The following NUP107 variants were observed in gnomAD, a reference collection of about 807,000 sequenced individuals.
The protein encoded by NUP107 is nucleoporin 107.
Under a neutral mutation model 141.0 loss-of-function variants are expected in NUP107, and 101 were observed. That is an observed-to-expected ratio of 0.72 (90% CI 0.61 to 0.84). The LOEUF (loss-of-function observed/expected upper bound fraction) is 0.84, where lower values mean the gene tolerates loss of function less well. Among genes scored for constraint, NUP107 ranks in the 40% least tolerant of loss-of-function variants. NUP107 has a pLI of 0.00. For missense variants in NUP107, 941 were observed against 1,102.7 expected (o/e 0.85, Z 2.08); for synonymous variants, 319 against 363.9 (o/e 0.88, Z 1.41).
intron 12 of NUP107, among the ~76,000 whole-genome samples, chr12:68,717,246 CA>C (rs1180887795): frequency 2.6e-5 from 4 of 152,072 alleles, no homozygotes; most frequent in Non-Finnish European, 5.9e-5. Flanking sequence ...ATTGAAGGCT[CA>C]AAAAATAGAA....
chr12:68,706,093 T>A (rs1248440593), intron 8 of NUP107: 4 of 773,826 alleles, frequency 5.2e-6, no homozygotes, highest in Non-Finnish European at 9.4e-6. Context: ...AGCTGTACAC[T>A]CTGGGCCAAG....
At chr12:68,713,930 A>G in intron 11 of NUP107, 122 bp downstream of exon 11, 1 of 657,818 alleles carries the variant, frequency 1.5e-6, no homozygotes, top group Non-Finnish European at 2.6e-6. Context: ...CTAACATTTT[A>G]CTCTAAAACA....
Position 68,733,547 on chromosome 12 carries a change from G to A in NUP107, c.2197G>A (p.Glu733Lys). ...IYNQCEEQGM[E>K]SPLPAEDDNA... is the part of the protein sequence containing the mutation. ...TAATCAGTGCGAGGAACAAGGAATG[G>A]AAAGTCCACTTCCTGCTGAAGATGA... The change falls in exon 24 of 28, where the codon GAA becomes AAA. Residue 733 changes from glutamate (E) to lysine (K), a missense_variant. Transcript: ENST00000229179. 6.2e-7 allele frequency: 1 copy of A among 1,613,646 alleles called. No individual in the cohort carries two copies. The highest frequency in any genetic ancestry group is 8.5e-7 in the Non-Finnish European group (1 of 1,179,738).
chr12:68,722,026 G>A, intron 16 of NUP107, 40 bp downstream of exon 16: 1 of 1,612,104 alleles, frequency 6.2e-7, no homozygotes, highest in Non-Finnish European at 8.5e-7. Context: ...GTGATTTGTA[G>A]CATGCTCTTT....
intron 11 of NUP107, among the ~76,000 whole-genome samples, chr12:68,715,130 G>A (rs979783486): frequency 6.6e-6 from 1 of 152,188 alleles, no homozygotes; most frequent in East Asian, 1.9e-4. Flanking sequence ...GGAAGCAGAT[G>A]ACTATGTGGC....
chr12:68,732,922 A>G (rs1877901429), intron 23 of NUP107, 183 bp downstream of exon 23: 3 of 408,484 alleles, frequency 7.3e-6, no homozygotes, highest in South Asian at 7.0e-5. Context: ...GCCTGAAGCA[A>G]TCCTCCCACC....
intron 18 of NUP107, among the ~76,000 whole-genome samples, chr12:68,726,164 C>G (rs956744204): frequency 6.6e-5 from 10 of 152,078 alleles, no homozygotes; most frequent in African/African-American, 2.4e-4. Flanking sequence ...TTATTTTACT[C>G]TTTATGAGTT....
At chr12:68,734,057 G>A (rs1024658663) in intron 24 of NUP107, among the ~76,000 whole-genome samples, 3 of 152,168 alleles carry the variant, frequency 2.0e-5, no homozygotes, top group African/African-American at 7.2e-5. Context: ...CATTGCTTGA[G>A]CCTGGGAGTT....
At chr12:68,691,178 A>T (rs1371975644) in intron 4 of NUP107, among the ~76,000 whole-genome samples, 2 of 151,438 alleles carry the variant, frequency 1.3e-5, no homozygotes, top group African/African-American at 4.9e-5. Flanking sequence ...ATTAGACAGT[A>T]AAAAAACTGA....
Position 68,715,594 on chromosome 12 carries a change from A to G in NUP107, c.970-33A>G, listed in dbSNP as rs747056778. 1.1e-5 allele frequency: 13 copies of G among 1,163,898 alleles called. No homozygotes were observed. The East Asian group carries it at 2.8e-4, about 25-fold the overall frequency. 72.1% of individuals were successfully genotyped at this position (1,163,898 alleles called of 1,614,324 possible). ...AAATGTATGTAAGTACAAAGGATTTATGGTTGATGATGACTTTTTTTTCTT... is the reference window on the plus strand; with the variant it reads ...AAATGTATGTAAGTACAAAGGATTTGTGGTTGATGATGACTTTTTTTTCTT... On this transcript the variant is annotated intron_variant, in intron 11 of 27. Transcript: ENST00000229179.
intron 20 of NUP107, among the ~76,000 whole-genome samples, chr12:68,727,887 A>T (rs182271269): frequency 6.6e-6 from 1 of 152,310 alleles, no homozygotes; most frequent in East Asian, 1.9e-4. Context: ...AAAAAAATTT[A>T]TGCAGAAGTG....
intron 3 of NUP107, among the ~76,000 whole-genome samples, chr12:68,690,087 G>A (rs565821406): frequency 6.6e-6 from 1 of 151,898 alleles, no homozygotes; most frequent in Non-Finnish European, 1.5e-5. Context: ...GGGTGAGGCA[G>A]GAGAATTGCT....
intron 9 of NUP107, 140 bp downstream of exon 9, chr12:68,709,449 A>T: frequency 1.9e-6 from 1 of 514,516 alleles, no homozygotes; most frequent in Non-Finnish European, 3.4e-6. Context: ...AATTAAAAGG[A>T]ATTAGAAACC....
intron 11 of NUP107, 139 bp downstream of exon 11, chr12:68,713,947 T>C (rs1876991972): frequency 3.3e-6 from 2 of 611,896 alleles, no homozygotes; most frequent in Non-Finnish European, 5.7e-6. Flanking sequence ...AACAACTAAG[T>C]TGCATTGGAA....
intron 12 of NUP107, among the ~76,000 whole-genome samples, chr12:68,717,503 ATAT>A (rs146168716): frequency 0.11 from 17,213 of 151,896 alleles, 1,010 homozygotes; most frequent in East Asian, 0.22. Flanking sequence ...CGTATAATAT[ATAT>A]TATTATATTA....
At chr12:68,728,602 G>T (rs144038367) in intron 20 of NUP107, among the ~76,000 whole-genome samples, 3 of 151,478 alleles carry the variant, frequency 2.0e-5, no homozygotes, top group African/African-American at 7.3e-5. Flanking sequence ...AGTAGAGATG[G>T]GGTTTTGCTA....
Position 68,743,463 on chromosome 12 carries a change from T to A in NUP107, c.*1001T>A, listed in dbSNP as rs1878403003. On this transcript the variant is annotated 3_prime_UTR_variant, in exon 28 of 28. Transcript: ENST00000229179. ...AGAACCTCTCTCCAGCTGAAAAGAC[T>A]CTCAGGAAGTAGTATTGGTTTGGGG... 6.6e-6 allele frequency: 1 copy of A among 152,210 alleles called. No homozygotes were observed. Among genetic ancestry groups the A allele is most frequent in the Admixed American group, 6.5e-5 (1 of 15,278 alleles). The allele number at this position is 152,210 out of a possible 1,614,324, so 9.4% of individuals were successfully genotyped here.
At chr12:68,721,625 T>C (rs1480744304) in intron 15 of NUP107, among the ~76,000 whole-genome samples, 3 of 152,210 alleles carry the variant, frequency 2.0e-5, no homozygotes, top group Non-Finnish European at 2.9e-5. Flanking sequence ...GGAAAACTGA[T>C]GTTGTTGTTA....
intron 12 of NUP107, 110 bp downstream of exon 12, chr12:68,715,850 C>A: frequency 1.7e-6 from 1 of 571,694 alleles, no homozygotes; most frequent in Admixed American, 2.9e-5. Flanking sequence ...TAATTCCATT[C>A]ATGGTATTTC....
Sources: gnomAD v4.1 joint callset for allele counts (sites outside exome capture counted in the v4.1 genomes callset) on GRCh38, gnomAD v4.1.1 for gene constraint, MANE v1.5 for transcripts, NCBI Gene and HGNC (gene_info 2026-07-23, HGNC 2026-07-21) for gene names.